Variants in UNC80 observed in about 807,000 individuals in gnomAD.
The protein encoded by UNC80 is unc-80 subunit of NALCN channel complex.
Under a neutral mutation model 384.6 loss-of-function variants are expected in UNC80, and 164 were observed. The ratio of observed to expected loss-of-function variants is 0.43; its 90% CI spans 0.38 to 0.49. The LOEUF is 0.49. Ranked by LOEUF, UNC80 falls within the 20% of genes least tolerant of loss-of-function variation. UNC80 has a pLI of 0.00. For missense variants in UNC80, 3,330 were observed against 4,143.0 expected (o/e 0.80, Z 5.39); for synonymous variants, 1,486 against 1,527.8 (o/e 0.97, Z 0.64).
At chr2:209,932,077 G>C (rs1299002737) in intron 38 of UNC80, among the ~76,000 whole-genome samples, 1 of 152,144 alleles carries the variant, frequency 6.6e-6, no homozygotes, top group Non-Finnish European at 1.5e-5. Flanking sequence ...CTGGCTGGTT[G>C]CTGGATATCT....
chr2:209,846,600 C>A (rs1047823290), intron 21 of UNC80, among the ~76,000 whole-genome samples: 1 of 151,672 alleles, frequency 6.6e-6, no homozygotes, highest in Non-Finnish European at 1.5e-5. Flanking sequence ...TTTATACATC[C>A]CTTATTGGAT....
At chr2:209,975,806 C>T (rs1191091690) in intron 56 of UNC80, among the ~76,000 whole-genome samples, 1 of 152,158 alleles carries the variant, frequency 6.6e-6, no homozygotes, top group Non-Finnish European at 1.5e-5. Context: ...AGCCACACAT[C>T]ATGTTTATGA....
At chr2:209,900,960 G>A (rs1045585934) in intron 28 of UNC80, among the ~76,000 whole-genome samples, 1 of 152,214 alleles carries the variant, frequency 6.6e-6, no homozygotes, top group Admixed American at 6.5e-5. Context: ...GGAAGAAGCT[G>A]TATAAGAAAA....
At chr2:209,805,294 C>T (rs1447531457) in intron 7 of UNC80, among the ~76,000 whole-genome samples, 1 of 152,242 alleles carries the variant, frequency 6.6e-6, no homozygotes, top group East Asian at 1.9e-4. Context: ...CAATAGTACA[C>T]TCCTTACTTC....
chr2:209,913,860 CAG>C lies in UNC80; in HGVS notation c.4952_4953del (p.Glu1651GlyfsTer19). Reference sequence around the variant, plus strand: ...TTAATCAAGGCAGCACCAATTCTGACAGAGGAGATGTACGGAGACATCCAGCC... The same window carrying C: ...TTAATCAAGGCAGCACCAATTCTGACAGGAGATGTACGGAGACATCCAGCC... On this transcript the variant is annotated frameshift_variant, in exon 31 of 65. Transcript: ENST00000673920. LOFTEE classifies it high-confidence loss of function. 1 of 1,551,514 alleles carries C rather than the reference CAG, an allele frequency of 6.4e-7. No homozygotes were observed. The highest frequency in any genetic ancestry group is 8.7e-7 in the Non-Finnish European group (1 of 1,146,794).
At position 209,957,651 on chromosome 2, in the gene UNC80, A is replaced by G; in HGVS notation, c.7465A>G (p.Thr2489Ala). 1 of 1,551,364 alleles carries G rather than the reference A, an allele frequency of 6.4e-7. No individual in the cohort carries two copies. The highest frequency in any genetic ancestry group is 1.4e-5 in the African/African-American group (1 of 73,150). Residue 2489 changes from threonine to alanine, a missense_variant, in exon 49 of 65, where the codon ACA becomes GCA. Thr to Ala is a moderately conservative substitution (Grantham distance 58). Coordinates refer to ENST00000673920, the MANE Select transcript of UNC80 (RefSeq NM_001371986.1). ...YSVEVLTRPMTAPQMSRCDQG... is the reference protein window; with the variant it reads ...YSVEVLTRPMAAPQMSRCDQG... Reference sequence around the variant, plus strand: ...TTACTGTCATTGTTACAGGCCCATGACAGCCCCACAGATGAGCAGGTGTGA... The same window carrying G: ...TTACTGTCATTGTTACAGGCCCATGGCAGCCCCACAGATGAGCAGGTGTGA...
intron 31 of UNC80, 73 bp from the exon 32 acceptor site, chr2:209,917,704 T>C (rs2089667594): frequency 1.3e-6 from 2 of 1,503,054 alleles, no homozygotes. Context: ...AGAAGCAGTT[T>C]CCACTTCTCC....
intron 33 of UNC80, among the ~76,000 whole-genome samples, chr2:209,920,496 C>T (rs529998662): frequency 6.6e-6 from 1 of 152,320 alleles, no homozygotes; most frequent in South Asian, 2.1e-4. Context: ...AATAGAATAG[C>T]TGTTGTACAG....
intron 35 of UNC80, among the ~76,000 whole-genome samples, chr2:209,925,257 C>CTATA (rs922251027): frequency 7.9e-5 from 12 of 151,598 alleles, no homozygotes; most frequent in Admixed American, 3.9e-4. Context: ...GCTTGGTCCA[C>CTATA]TATATATATA....
At chr2:209,795,420 T>C (rs2078091902) in intron 7 of UNC80, 1 of 152,194 alleles carries the variant, frequency 6.6e-6, no homozygotes, top group African/African-American at 2.4e-5. Context: ...GAAAAACCAA[T>C]TTTCTGGGGA....
intron 46 of UNC80, 85 bp downstream of exon 46, chr2:209,945,274 ATT>A: frequency 7.4e-7 from 1 of 1,349,000 alleles, no homozygotes; most frequent in African/African-American, 1.5e-5. Flanking sequence ...ATACACGTAT[ATT>A]TATATGTGTG....
intron 22 of UNC80, among the ~76,000 whole-genome samples, chr2:209,866,107 A>C (rs1388096582): frequency 6.6e-6 from 1 of 152,188 alleles, no homozygotes; most frequent in Non-Finnish European, 1.5e-5. Flanking sequence ...TGAATTATGT[A>C]ATTGAAATAC....
chr2:209,891,925 A>C (rs767601900), intron 26 of UNC80, among the ~76,000 whole-genome samples: 4 of 152,206 alleles, frequency 2.6e-5, no homozygotes, highest in Non-Finnish European at 5.9e-5. Context: ...CAGTTCTTGA[A>C]ATAAACACGC....
chr2:209,949,361 T>C (rs1438112640), intron 47 of UNC80, among the ~76,000 whole-genome samples: 1 of 152,212 alleles, frequency 6.6e-6, no homozygotes, highest in East Asian at 1.9e-4. Context: ...GCAGGTGTAT[T>C]TGTAACCCTC....
chr2:209,852,585 C>G (rs1231056442), intron 22 of UNC80, among the ~76,000 whole-genome samples: 1 of 152,084 alleles, frequency 6.6e-6, no homozygotes, highest in Non-Finnish European at 1.5e-5. Flanking sequence ...AGTGAAGGAA[C>G]TAAAGGGGCT....
At chr2:209,833,652 C>G (rs898831904) in intron 16 of UNC80, among the ~76,000 whole-genome samples, 1 of 152,158 alleles carries the variant, frequency 6.6e-6, no homozygotes, top group African/African-American at 2.4e-5. Context: ...TTTTTCTTTG[C>G]AGGCATCTCT....
At chr2:209,908,995 C>A (rs947703203) in intron 29 of UNC80, among the ~76,000 whole-genome samples, 4 of 152,126 alleles carry the variant, frequency 2.6e-5, no homozygotes, top group African/African-American at 9.7e-5. Context: ...TGTTACAATT[C>A]TTTTAGAATT....
chr2:209,965,934 CA>C (rs112429893), intron 51 of UNC80, among the ~76,000 whole-genome samples: 6,783 of 125,512 alleles, frequency 0.054, 273 homozygotes, highest in African/African-American at 0.12. Flanking sequence ...AAACTTGTCT[CA>C]AAAAAAAAAA....
intron 4 of UNC80, among the ~76,000 whole-genome samples, chr2:209,783,201 T>A (rs546931286): frequency 1.3e-5 from 2 of 152,334 alleles, no homozygotes; most frequent in East Asian, 3.9e-4. Flanking sequence ...CCTCTACGTG[T>A]ACTTACACTT....
Sources: allele counts gnomAD v4.1 joint callset (sites outside exome capture counted in the v4.1 genomes callset), GRCh38; gene constraint gnomAD v4.1.1; transcripts MANE v1.5; gene names NCBI Gene and HGNC (gene_info 2026-07-23, HGNC 2026-07-21).